SMARCC1: variants seen among roughly 807,000 people sequenced by gnomAD.
SMARCC1 encodes SWI/SNF related BAF chromatin remodeling complex subunit C1, also known as SWI/SNF complex subunit SMARCC1.
A neutral mutation model predicts 147.4 loss-of-function variants in SMARCC1; 43 were observed. The ratio of observed to expected loss-of-function variants is 0.29; its 90% CI spans 0.23 to 0.38. The LOEUF (loss-of-function observed/expected upper bound fraction) is 0.38, where lower values mean the gene tolerates loss of function less well. Ranked by LOEUF, SMARCC1 falls within the 10% of genes least tolerant of loss-of-function variation. The pLI, the probability that SMARCC1 is intolerant of heterozygous loss-of-function variation, is 1.00. For synonymous variants in SMARCC1, 495 were observed against 484.4 expected (o/e 1.02, Z -0.29); for missense variants, 1,119 against 1,381.1 (o/e 0.81, Z 3.01).
Position 47,693,400 on chromosome 3 carries a change from C to T in SMARCC1, c.1166-100G>A, listed in dbSNP as rs572923716. 102 of 690,112 alleles carry T rather than the reference C, an allele frequency of 1.5e-4. No homozygotes were observed. In the Admixed American group the frequency reaches 2.3e-3, roughly 15 times the overall value. 42.7% of individuals were successfully genotyped at this position (690,112 alleles called of 1,614,324 possible). On this transcript the variant is annotated intron_variant, in intron 11 of 27. Transcript: ENST00000254480. Reference sequence around the variant, plus strand: ...ACATGATTAAACGACATGCATCTCACTACAACTGCAACACCATTCAATACA... The same window carrying T: ...ACATGATTAAACGACATGCATCTCATTACAACTGCAACACCATTCAATACA...
chr3:47,709,451 C>A (rs1026387758), intron 9 of SMARCC1, among the ~76,000 whole-genome samples: 1 of 151,874 alleles, frequency 6.6e-6, no homozygotes, highest in Non-Finnish European at 1.5e-5. Flanking sequence ...TTTGAGAGGC[C>A]GAGGCAGTCA....
intron 21 of SMARCC1, among the ~76,000 whole-genome samples, chr3:47,658,904 G>A (rs973295268): frequency 3.9e-5 from 6 of 152,064 alleles, no homozygotes; most frequent in South Asian, 4.1e-4. Context: ...TGGATCACAA[G>A]GTCAGGAGTT....
intron 9 of SMARCC1, among the ~76,000 whole-genome samples, chr3:47,708,855 G>T (rs958217097): frequency 1.3e-5 from 2 of 152,098 alleles, no homozygotes; most frequent in African/African-American, 4.8e-5. Context: ...GCCCAGGCTG[G>T]TCTCAAACTT....
intron 19 of SMARCC1, among the ~76,000 whole-genome samples, chr3:47,662,875 G>C (rs184962665): frequency 1.2e-4 from 18 of 151,024 alleles, no homozygotes; most frequent in African/African-American, 4.4e-4. Flanking sequence ...GAGTTCGAGA[G>C]CAGCCTGGCC....
At chr3:47,660,198 G>C (rs2033325539) in intron 21 of SMARCC1, among the ~76,000 whole-genome samples, 1 of 152,022 alleles carries the variant, frequency 6.6e-6, no homozygotes, top group Non-Finnish European at 1.5e-5. Context: ...TATAATCCCA[G>C]CACTTTGGGA....
intron 5 of SMARCC1, among the ~76,000 whole-genome samples, chr3:47,730,761 G>C (rs1368872077): frequency 1.3e-5 from 2 of 151,828 alleles, no homozygotes; most frequent in Non-Finnish European, 2.9e-5. Flanking sequence ...AGCTACTCAG[G>C]AGGCTGAGGC....
intron 2 of SMARCC1, among the ~76,000 whole-genome samples, chr3:47,772,496 C>A (rs969721630): frequency 6.6e-6 from 1 of 152,126 alleles, no homozygotes; most frequent in African/African-American, 2.4e-5. Flanking sequence ...TCCATAAATT[C>A]TATTTATGGC....
chr3:47,678,563 A>C (rs2033600508), intron 15 of SMARCC1, among the ~76,000 whole-genome samples: 2 of 152,246 alleles, frequency 1.3e-5, no homozygotes, highest in African/African-American at 4.8e-5. Context: ...ACATAAATTC[A>C]AACTTGGTCA....
At chr3:47,592,987 T>A (rs2032210372) in intron 26 of SMARCC1, among the ~76,000 whole-genome samples, 1 of 151,776 alleles carries the variant, frequency 6.6e-6, no homozygotes, top group South Asian at 2.1e-4. Context: ...GCCTGGCTCT[T>A]TTTTTTATTT....
chr3:47,707,302 A>T (rs552600356), intron 9 of SMARCC1, among the ~76,000 whole-genome samples: 1 of 150,818 alleles, frequency 6.6e-6, no homozygotes, highest in Non-Finnish European at 1.5e-5. Context: ...ACAGAGTAAG[A>T]CTCCGTCTCA....
intron 2 of SMARCC1, among the ~76,000 whole-genome samples, chr3:47,753,230 C>T (rs1027030657): frequency 7.4e-5 from 11 of 149,406 alleles, no homozygotes; most frequent in Non-Finnish European, 1.6e-4. Flanking sequence ...GAGGATGAGA[C>T]AGGAGAATCA....
intron 5 of SMARCC1, among the ~76,000 whole-genome samples, chr3:47,734,126 T>C (rs1310807354): frequency 6.6e-6 from 1 of 150,810 alleles, no homozygotes; most frequent in African/African-American, 2.4e-5. Context: ...ACAAAAAGAG[T>C]AGGTAATTTC....
chr3:47,767,585 C>T (rs2034855342), intron 2 of SMARCC1, among the ~76,000 whole-genome samples: 1 of 144,296 alleles, frequency 6.9e-6, no homozygotes, highest in Admixed American at 7.0e-5. Context: ...AAATAGTGAA[C>T]TCGGCCGGGT....
chr3:47,623,005 T>C (rs1414897564), intron 24 of SMARCC1, among the ~76,000 whole-genome samples: 1 of 152,136 alleles, frequency 6.6e-6, no homozygotes, highest in African/African-American at 2.4e-5. Flanking sequence ...CCCTAACTAC[T>C]AGCTAGTAAT....
In SMARCC1 at chr3:47,745,929, T is replaced by C. The variant is rs766972314; in HGVS notation, c.380A>G (p.Lys127Arg). 1.9e-6 allele frequency: 3 copies of C among 1,580,510 alleles called. No individual in the cohort carries two copies. The East Asian group carries it at 6.8e-5, about 36-fold the overall frequency. ...TTACCATCCCTGTTCATTTTTATAC[T>C]TGTAAGCAGCCCCAAGAATGTGACA... Reference protein sequence around the residue: ...ALCHILGAAYKYKNEQGWRRF... With the variant: ...ALCHILGAAYRYKNEQGWRRF... Residue 127 changes from lysine to arginine, a missense_variant, in exon 3 of 28, where the codon AAG becomes AGG. Physicochemically the swap from Lys to Arg is conservative, Grantham distance 26 (BLOSUM62 2). This residue lies in a region of SMARCC1 where 542 missense variants were observed against 611.8 expected (regional missense o/e 0.89). Coordinates refer to ENST00000254480, the MANE Select transcript of SMARCC1 (RefSeq NM_003074.4).
intron 22 of SMARCC1, among the ~76,000 whole-genome samples, chr3:47,637,738 C>A (rs957120920): frequency 2.6e-5 from 4 of 151,824 alleles, no homozygotes; most frequent in African/African-American, 9.7e-5. Context: ...TACAAAGGCC[C>A]ACATCCTGAC....
At chr3:47,749,757 A>G (rs2106846244) in intron 2 of SMARCC1, among the ~76,000 whole-genome samples, 1 of 147,152 alleles carries the variant, frequency 6.8e-6, no homozygotes, top group South Asian at 2.3e-4. Context: ...AGAGAGAGAG[A>G]GAGAGAGAGG....
intron 2 of SMARCC1, among the ~76,000 whole-genome samples, chr3:47,772,277 C>T (rs1435657694): frequency 6.6e-6 from 1 of 152,064 alleles, no homozygotes; most frequent in Non-Finnish European, 1.5e-5. Context: ...GCTAGTAGTC[C>T]CAGCCTCTTG....
At chr3:47,757,636 T>C (rs545182251) in intron 2 of SMARCC1, among the ~76,000 whole-genome samples, 2 of 151,620 alleles carry the variant, frequency 1.3e-5, no homozygotes, top group East Asian at 3.9e-4. Flanking sequence ...TACAAAAACT[T>C]AGCCGGGCAT....
Sources: allele counts gnomAD v4.1 joint callset (sites outside exome capture counted in the v4.1 genomes callset), GRCh38; gene constraint gnomAD v4.1.1; regional missense constraint gnomAD v4.1.1; transcripts MANE v1.5; gene names NCBI Gene and HGNC (gene_info 2026-07-23, HGNC 2026-07-21).